Variants in TENM3 observed in about 807,000 individuals in gnomAD.
TENM3 encodes teneurin-3.
A neutral mutation model predicts 255.1 loss-of-function variants in TENM3; 63 were observed. That is an observed-to-expected ratio of 0.25 (90% confidence interval 0.20 to 0.30). The LOEUF (loss-of-function observed/expected upper bound fraction) is 0.30. TENM3 is among the 10% of genes least tolerant of loss of function. The pLI, the probability that TENM3 is intolerant of heterozygous loss-of-function variation, is 1.00. For missense variants in TENM3, 2,929 were observed against 3,461.1 expected, an observed-to-expected ratio of 0.85 and a Z score of 3.86; for synonymous variants, 1,306 against 1,322.3, an observed-to-expected ratio of 0.99 and a Z score of 0.27.
intron 2 of TENM3, among the ~76,000 whole-genome samples, chr4:182,327,100 T>A (rs1479911508): frequency 6.6e-6 from 1 of 152,158 alleles, no homozygotes; most frequent in Non-Finnish European, 1.5e-5. Context: ...GCAAGCATAA[T>A]GAGAAATCCT....
the TENM3 span, among the ~76,000 whole-genome samples, chr4:181,800,536 G>A: frequency 3.3e-5 from 5 of 152,180 alleles, no homozygotes; most frequent in East Asian, 1.9e-4. Flanking sequence ...AGGAGGCTGA[G>A]GTGGAAGAAC....
the TENM3 span, among the ~76,000 whole-genome samples, chr4:181,579,939 ATTTTATTTTATTTTATTTTAT>A: frequency 2.8e-4 from 1 of 3,512 alleles, no homozygotes; most frequent in Non-Finnish European, 7.9e-4. Context: ...CTACAATTTT[ATTTTATTTTATTTTATTTTAT>A]TTTATTTTAT....
chr4:182,308,505 C>A (rs976077802), intron 1 of TENM3, among the ~76,000 whole-genome samples: 1 of 151,876 alleles, frequency 6.6e-6, no homozygotes, highest in Non-Finnish European at 1.5e-5. Flanking sequence ...CAAAACAAAA[C>A]AAAAAAACTT....
intron 3 of TENM3, among the ~76,000 whole-genome samples, chr4:182,531,986 C>T (rs1014022178): frequency 5.3e-5 from 8 of 152,154 alleles, no homozygotes; most frequent in African/African-American, 1.9e-4. Context: ...AAAGCCGTCT[C>T]GGGACTGCTA....
chr4:182,276,827 C>G (rs555883965), intron 1 of TENM3, among the ~76,000 whole-genome samples: 9 of 152,306 alleles, frequency 5.9e-5, no homozygotes, highest in Admixed American at 2.0e-4. Context: ...ACTTGGCAAA[C>G]TTTGATATCT....
intron 3 of TENM3, among the ~76,000 whole-genome samples, chr4:182,408,736 G>A (rs1057349296): frequency 2.6e-5 from 4 of 152,228 alleles, no homozygotes; most frequent in Admixed American, 1.3e-4. Flanking sequence ...TGGATTCCGT[G>A]TAGATGAAAT....
chr4:182,738,275 T>G (rs1225683414), intron 17 of TENM3, 126 bp from the exon 18 acceptor site: 1 of 746,220 alleles, frequency 1.3e-6, no homozygotes, highest in Non-Finnish European at 2.0e-6. Context: ...AATAAACTGC[T>G]CATAAATAAG....
At chr4:182,757,497 G>A (rs1010747467) in intron 22 of TENM3, among the ~76,000 whole-genome samples, 4 of 152,052 alleles carry the variant, frequency 2.6e-5, no homozygotes, top group Admixed American at 2.0e-4. Context: ...TCATTGTATG[G>A]ATTAGTGCTG....
At chr4:182,726,946 A>T (rs537032847) in intron 13 of TENM3, among the ~76,000 whole-genome samples, 73 of 152,208 alleles carry the variant, frequency 4.8e-4, no homozygotes, top group Non-Finnish European at 6.9e-4. Flanking sequence ...GTATTTTTTT[A>T]AAAAAAGACT....
At chr4:182,467,489 G>A (rs1375102974) in intron 3 of TENM3, among the ~76,000 whole-genome samples, 1 of 152,084 alleles carries the variant, frequency 6.6e-6, no homozygotes, top group Non-Finnish European at 1.5e-5. Context: ...GGATATCTAG[G>A]CCAGGAATTT....
At chr4:181,833,459 G>A in the TENM3 span, among the ~76,000 whole-genome samples, 1 of 152,164 alleles carries the variant, frequency 6.6e-6, no homozygotes, top group African/African-American at 2.4e-5. Flanking sequence ...AAACAGGGGG[G>A]CAGGGGAGCA....
At chr4:182,161,955 GTGTGTATATATATATATA>G (rs1561154499) in intron 1 of TENM3, among the ~76,000 whole-genome samples, 1 of 12,756 alleles carries the variant, frequency 7.8e-5, no homozygotes, top group Non-Finnish European at 1.8e-4. Context: ...TTGTGTGTGT[GTGTGTATATATATATATA>G]TATATATATA....
intron 3 of TENM3, among the ~76,000 whole-genome samples, chr4:182,407,868 A>G (rs574184068): frequency 6.6e-6 from 1 of 152,324 alleles, no homozygotes; most frequent in Admixed American, 6.5e-5. Context: ...ATTTTTGTCA[A>G]AAAGTATATT....
chr4:182,747,166 A>G (rs1762066328), intron 19 of TENM3, among the ~76,000 whole-genome samples: 1 of 152,178 alleles, frequency 6.6e-6, no homozygotes, highest in Non-Finnish European at 1.5e-5. Flanking sequence ...TACAAAAGGA[A>G]TGGTATTGCC....
intron 12 of TENM3, among the ~76,000 whole-genome samples, chr4:182,693,217 A>G (rs1447106178): frequency 6.6e-6 from 1 of 152,206 alleles, no homozygotes; most frequent in African/African-American, 2.4e-5. Flanking sequence ...TGATACTGAG[A>G]ACAATTTCTT....
chr4:182,100,448 A>AAT, the TENM3 span, among the ~76,000 whole-genome samples: 59 of 114,710 alleles, frequency 5.1e-4, no homozygotes, highest in East Asian at 1.9e-3. Context: ...TAAAAAAAAA[A>AAT]ATATATATAT....
chr4:182,321,492 G>C (rs1410800560), intron 1 of TENM3, among the ~76,000 whole-genome samples: 2 of 152,070 alleles, frequency 1.3e-5, no homozygotes, highest in East Asian at 1.9e-4. Context: ...TGAGCGTGGT[G>C]GTGGGTACCT....
At chr4:181,895,968 T>C in the TENM3 span, among the ~76,000 whole-genome samples, 1 of 152,198 alleles carries the variant, frequency 6.6e-6, no homozygotes, top group East Asian at 1.9e-4. Context: ...TTAAAGGTAG[T>C]TGATTTTCTT....
At chr4:181,558,606 G>T in the TENM3 span, among the ~76,000 whole-genome samples, 1 of 152,204 alleles carries the variant, frequency 6.6e-6, no homozygotes, top group Non-Finnish European at 1.5e-5. Context: ...GTATGCCTGG[G>T]AGGACCCCTC....
Sources: gnomAD v4.1 joint callset for allele counts (sites outside exome capture counted in the v4.1 genomes callset) on GRCh38, gnomAD v4.1.1 for gene constraint, MANE v1.5 for transcripts, NCBI Gene and HGNC (gene_info 2026-07-23, HGNC 2026-07-21) for gene names.